The following TMX4 variants were observed in gnomAD, a reference collection of about 807,000 sequenced individuals.
The protein encoded by TMX4 is thioredoxin-related transmembrane protein 4.
In TMX4, 23 loss-of-function variants were observed where a neutral mutation model predicts 33.3. The ratio of observed to expected loss-of-function variants is 0.69; its 90% CI spans 0.50 to 0.98. TMX4 has a LOEUF of 0.98. TMX4 is among the 50% of genes least tolerant of loss of function. The pLI is 0.00. For missense variants in TMX4, 399 were observed against 448.9 expected (o/e 0.89, Z 1.01); for synonymous variants, 164 against 161.5 (o/e 1.02, Z -0.12).
intron 5 of TMX4, among the ~76,000 whole-genome samples, chr20:7,987,939 T>C (rs2050637769): frequency 6.6e-6 from 1 of 152,218 alleles, no homozygotes; most frequent in Admixed American, 6.5e-5. Flanking sequence ...GATTAATTTA[T>C]TATGAGCAAA....
At chr20:7,995,603 G>A (rs531338885) in intron 5 of TMX4, among the ~76,000 whole-genome samples, 1 of 152,242 alleles carries the variant, frequency 6.6e-6, no homozygotes, top group East Asian at 1.9e-4. Flanking sequence ...AAATGTAGCT[G>A]TCTTCCAGTA....
At chr20:7,986,511 TC>T (rs1187054748) in intron 6 of TMX4, among the ~76,000 whole-genome samples, 1 of 152,202 alleles carries the variant, frequency 6.6e-6, no homozygotes, top group African/African-American at 2.4e-5. Context: ...CATCAATTAT[TC>T]CCATTATAGT....
intron 1 of TMX4, among the ~76,000 whole-genome samples, chr20:8,012,938 T>C (rs1022008247): frequency 2.6e-5 from 4 of 152,204 alleles, no homozygotes; most frequent in Non-Finnish European, 5.9e-5. Flanking sequence ...GTTCTTTCAG[T>C]GGTAGAGATA....
intron 5 of TMX4, among the ~76,000 whole-genome samples, chr20:7,988,314 T>G (rs1024027074): frequency 1.3e-5 from 2 of 152,232 alleles, no homozygotes; most frequent in Admixed American, 1.3e-4. Flanking sequence ...CCAGTAAGGT[T>G]GATGAAAATG....
chr20:8,013,230 A>C (rs1295602905), intron 1 of TMX4, among the ~76,000 whole-genome samples: 1 of 152,152 alleles, frequency 6.6e-6, no homozygotes, highest in Non-Finnish European at 1.5e-5. Context: ...AATTTATTTC[A>C]AACTAGTTCA....
chr20:8,012,545 T>C (rs1412088868), intron 1 of TMX4, among the ~76,000 whole-genome samples: 1 of 152,048 alleles, frequency 6.6e-6, no homozygotes, highest in African/African-American at 2.4e-5. Flanking sequence ...AACTTCAACA[T>C]TCAGAGGGAG....
intron 5 of TMX4, among the ~76,000 whole-genome samples, chr20:7,991,346 TA>T (rs1429635381): frequency 1.3e-5 from 2 of 152,246 alleles, no homozygotes; most frequent in East Asian, 3.8e-4. Flanking sequence ...ATTTAAATGC[TA>T]AACTTAGTTC....
Position 8,018,512 on chromosome 20 carries a change from G to GTCTC in TMX4, c.176+925_176+926insGAGA, listed in dbSNP as rs1568541304. Among the ~76,000 whole-genome samples, 75 of 49,532 alleles carry GTCTC rather than the reference G, an allele frequency of 1.5e-3. 18 individuals carry two copies. The highest frequency in any genetic ancestry group is 0.014 in the African/African-American group (65 of 4,564). 32.5% of individuals were successfully genotyped at this position (49,532 alleles called of 152,430 possible). On this transcript the variant is annotated intron_variant, in intron 1 of 7. Coordinates refer to ENST00000246024, the MANE Select transcript of TMX4 (RefSeq NM_021156.4). ...AGAGAGAGAGAGAGAGAGAGAGAGAGAGAGAGAGAGAGAGAGTCTGCAAGC... is the reference window on the plus strand; with the variant it reads ...AGAGAGAGAGAGAGAGAGAGAGAGAGTCTCAGAGAGAGAGAGAGAGTCTGCAAGC...
intron 2 of TMX4, among the ~76,000 whole-genome samples, chr20:8,009,601 T>C (rs1324828657): frequency 6.6e-6 from 1 of 152,156 alleles, no homozygotes; most frequent in Non-Finnish European, 1.5e-5. Flanking sequence ...AGCATCATCT[T>C]AGAAGTACTC....
chr20:7,994,786 A>G (rs1410588930), intron 5 of TMX4, among the ~76,000 whole-genome samples: 1 of 152,206 alleles, frequency 6.6e-6, no homozygotes, highest in East Asian at 1.9e-4. Context: ...TCAGTCTTTA[A>G]TATCAACATA....
chr20:8,018,992 C>A (rs762723789), intron 1 of TMX4: 7 of 449,532 alleles, frequency 1.6e-5, no homozygotes, highest in Non-Finnish European at 2.2e-5. Flanking sequence ...ATTCATACTG[C>A]ACGTGGATGT....
At chr20:7,983,304 C>T (rs2050617043) in intron 7 of TMX4, among the ~76,000 whole-genome samples, 1 of 152,104 alleles carries the variant, frequency 6.6e-6, no homozygotes, top group Non-Finnish European at 1.5e-5. Context: ...TATTTAAACT[C>T]CCACATAAAA....
rs774929906 is a variant in TMX4, at chr20:7,982,462, T to G, written c.839A>C (p.Glu280Ala). 7 of 1,614,038 alleles carry G rather than the reference T, an allele frequency of 4.3e-6. No homozygotes were observed. Among genetic ancestry groups the G allele is most frequent in the Non-Finnish European group, 5.1e-6 (6 of 1,180,036 alleles). Residue 280 changes from glutamate (E) to alanine (A), a missense_variant, in exon 8 of 8, where the codon GAG becomes GCG. By Grantham distance (107) the Glu-to-Ala change is moderately radical (BLOSUM62 -1). Coordinates refer to ENST00000246024, the MANE Select transcript of TMX4 (RefSeq NM_021156.4). ...LGDEDEAEEE[E>A]EEDNLAAGVD... ...ACCAGCAGCCAAGTTGTCCTCCTCC[T>G]CTTCTTCCTCTGCTTCATCCTCATC...
Position 7,981,336 on chromosome 20 carries a change from A to T in TMX4, c.*915T>A, listed in dbSNP as rs1199390948. The T allele has an allele frequency of 6.6e-6, 1 of 152,236 alleles. No individual in the cohort carries two copies. Among genetic ancestry groups the T allele is most frequent in the Non-Finnish European group, 1.5e-5 (1 of 68,036 alleles). The allele number at this position is 152,236 out of a possible 1,614,324, so 9.4% of individuals were successfully genotyped here. A position where few individuals can be genotyped will look rare whatever the true frequency, so the allele number is the denominator to read the frequency against. The stretch of plus-strand genomic sequence containing the variant: ...ACTTTTCTTCACAAGACTACCTTGT[A>T]CTGGCAAGACTTAGAGGACTTCTGG... On this transcript the variant is annotated 3_prime_UTR_variant, in exon 8 of 8. Transcript: ENST00000246024.
intron 6 of TMX4, among the ~76,000 whole-genome samples, chr20:7,986,707 C>CCTGATAAATAATTA (rs2050632264): frequency 6.6e-6 from 1 of 152,146 alleles, no homozygotes; most frequent in East Asian, 1.9e-4. Context: ...TATTATTCAA[C>CCTGATAAATAATTA]TCTTGCCTGA....
chr20:8,006,799 C>T (rs1440654179), intron 2 of TMX4, among the ~76,000 whole-genome samples: 3 of 147,932 alleles, frequency 2.0e-5, no homozygotes, highest in Non-Finnish European at 3.0e-5. Context: ...GTTCTTGTTG[C>T]CCAGCCTGGA....
In TMX4 at chr20:7,978,265, A is replaced by C. The variant is rs2050589056; in HGVS notation, c.*3986T>G. The C allele has an allele frequency of 6.6e-6, 1 of 152,180 alleles. No homozygotes were observed. The highest frequency in any genetic ancestry group is 1.5e-5 in the Non-Finnish European group (1 of 68,032). 9.4% of individuals were successfully genotyped at this position (152,180 alleles called of 1,614,324 possible). ...CCTCTTCTTTCTCTCACTTCATACT[A>C]AAGATTTTATGCTGAAATCTCAGGT... On this transcript the variant is annotated 3_prime_UTR_variant, in exon 8 of 8. Transcript: ENST00000246024.
chr20:8,018,171 A>G (rs1470846766), intron 1 of TMX4, among the ~76,000 whole-genome samples: 1 of 148,076 alleles, frequency 6.8e-6, no homozygotes, highest in African/African-American at 2.5e-5. Context: ...TGTGTCCTCA[A>G]CGTAAAACAA....
intron 1 of TMX4, among the ~76,000 whole-genome samples, chr20:8,017,890 C>A (rs1201423254): frequency 6.6e-6 from 1 of 152,182 alleles, no homozygotes; most frequent in African/African-American, 2.4e-5. Flanking sequence ...TTCATGTCTA[C>A]AGTTCCCTTT....
Sources: allele counts gnomAD v4.1 joint callset (sites outside exome capture counted in the v4.1 genomes callset), GRCh38; gene constraint gnomAD v4.1.1; transcripts MANE v1.5; gene names NCBI Gene and HGNC (gene_info 2026-07-23, HGNC 2026-07-21).